The following CLEC16A variants were observed in gnomAD, a reference collection of about 807,000 sequenced individuals.
CLEC16A encodes the protein C-type lectin domain containing 16A.
In CLEC16A, 51 loss-of-function variants were observed where a neutral mutation model predicts 109.5. That is an observed-to-expected ratio of 0.47 (90% CI 0.37 to 0.59). CLEC16A has a LOEUF of 0.59. CLEC16A is among the 20% of genes least tolerant of loss of function. The pLI, the probability that CLEC16A is intolerant of heterozygous loss-of-function variation, is 0.00. For missense variants in CLEC16A, 1,339 were observed against 1,394.0 expected (o/e 0.96, Z 0.63); for synonymous variants, 673 against 564.2 (o/e 1.19, Z -2.73).
intron 22 of CLEC16A, 54 bp downstream of exon 22, chr16:11,126,200 A>G (rs750625531): frequency 6.2e-7 from 1 of 1,608,718 alleles, no homozygotes; most frequent in East Asian, 2.2e-5. Flanking sequence ...TGGGCGTTCA[A>G]GGTCTTTCTC....
At chr16:11,151,676 T>A (rs946258641) in intron 22 of CLEC16A, among the ~76,000 whole-genome samples, 1 of 152,198 alleles carries the variant, frequency 6.6e-6, no homozygotes, top group Non-Finnish European at 1.5e-5. Context: ...ATCAGTGCAA[T>A]TTCACTCACA....
chr16:11,067,068 G>A (rs1418820842), intron 19 of CLEC16A, among the ~76,000 whole-genome samples: 3 of 151,676 alleles, frequency 2.0e-5, no homozygotes, highest in Non-Finnish European at 2.9e-5. Context: ...ATTTCAGAAC[G>A]AGGGTAGTCT....
intron 19 of CLEC16A, among the ~76,000 whole-genome samples, chr16:11,109,632 G>A (rs1317240165): frequency 6.6e-6 from 1 of 152,172 alleles, no homozygotes; most frequent in Non-Finnish European, 1.5e-5. Flanking sequence ...ATAGAAACAA[G>A]TCAGGCTGGA....
chr16:11,064,129 C>A (rs961765376), intron 19 of CLEC16A, among the ~76,000 whole-genome samples: 2 of 152,180 alleles, frequency 1.3e-5, no homozygotes, highest in Non-Finnish European at 2.9e-5. Flanking sequence ...TCTGCCCTTT[C>A]ATCTGTCTAT....
rs925823698 is a variant in CLEC16A at position 11,180,121 on chromosome 16, G to C, written c.*1431G>C. The stretch of plus-strand genomic sequence containing the variant: ...AGGTATCCGCCGGAGCCTGGCCATA[G>C]GGTAGTCTCGGGAGCCGCGCTGAGA... On this transcript the variant is annotated 3_prime_UTR_variant, in exon 24 of 24. Transcript: ENST00000409790. 1.3e-5 allele frequency: 2 copies of C among 152,302 alleles called. No homozygotes were observed. The highest frequency in any genetic ancestry group is 2.1e-4 in the South Asian group (1 of 4,824). The allele number at this position is 152,302 out of a possible 1,614,324, so 9.4% of individuals were successfully genotyped here.
chr16:11,122,604 A>G (rs1412688191), intron 20 of CLEC16A, among the ~76,000 whole-genome samples: 1 of 152,196 alleles, frequency 6.6e-6, no homozygotes, highest in East Asian at 1.9e-4. Flanking sequence ...TGTTATCTCC[A>G]AAGAGCCTGT....
chr16:11,160,225 G>T (rs1384248044), intron 22 of CLEC16A, among the ~76,000 whole-genome samples: 2 of 152,122 alleles, frequency 1.3e-5, no homozygotes, highest in Non-Finnish European at 2.9e-5. Context: ...CAGAGGTCGG[G>T]GGGCGTCCCT....
chr16:10,967,557 C>T (rs190150627), intron 3 of CLEC16A, among the ~76,000 whole-genome samples: 70 of 152,150 alleles, frequency 4.6e-4, no homozygotes, highest in Admixed American at 8.5e-4. Flanking sequence ...TTTGAATCTC[C>T]GAATAATAGT....
In CLEC16A at chr16:11,120,719, G is replaced by A. The variant is rs770842825; in HGVS notation, c.2221G>A (p.Val741Met). 1.9e-6 allele frequency: 3 copies of A among 1,603,264 alleles called. No individual in the cohort carries two copies. Among genetic ancestry groups the A allele is most frequent in the African/African-American group, 2.7e-5 (2 of 74,754 alleles). Reference protein sequence around the residue: ...IYQMSLVEPDVSRLGWGVVKF... With the variant: ...IYQMSLVEPDMSRLGWGVVKF... Reference sequence around the variant, plus strand: ...CCAGATGAGTTTGGTGGAGCCTGATGTGTCCAGGCTTGGCTGGGGAGTGGT... The same window carrying A: ...CCAGATGAGTTTGGTGGAGCCTGATATGTCCAGGCTTGGCTGGGGAGTGGT... Residue 741 changes from valine (V) to methionine (M), a missense_variant, in exon 20 of 24, where the codon GTG (valine) becomes ATG (methionine). This residue lies in a region of CLEC16A where 1,061 missense variants were observed against 1,006.8 expected (regional missense o/e 1.05). Transcript: ENST00000409790.
chr16:11,093,346 T>C (rs933119427), intron 19 of CLEC16A, among the ~76,000 whole-genome samples: 1 of 152,158 alleles, frequency 6.6e-6, no homozygotes, highest in Non-Finnish European at 1.5e-5. Flanking sequence ...GTGGCCATAC[T>C]CGTCCCAGTG....
chr16:11,083,643 C>T (rs1225110790), intron 19 of CLEC16A, among the ~76,000 whole-genome samples: 3 of 152,232 alleles, frequency 2.0e-5, no homozygotes, highest in Non-Finnish European at 2.9e-5. Context: ...CTTCCTAAGC[C>T]CATGTAATAA....
chr16:10,967,291 T>G (rs951751001), intron 3 of CLEC16A, among the ~76,000 whole-genome samples: 57 of 152,302 alleles, frequency 3.7e-4, no homozygotes, highest in African/African-American at 1.2e-3. Context: ...TGAGTTTGAC[T>G]TTGATCGACC....
At chr16:11,173,514 C>G (rs1477190801) in intron 23 of CLEC16A, among the ~76,000 whole-genome samples, 3 of 152,174 alleles carry the variant, frequency 2.0e-5, no homozygotes, top group Non-Finnish European at 4.4e-5. Context: ...GCACGGGTCA[C>G]CAAGTCGCTG....
At chr16:10,949,828 C>T (rs141319379) in intron 1 of CLEC16A, among the ~76,000 whole-genome samples, 11 of 152,278 alleles carry the variant, frequency 7.2e-5, no homozygotes, top group Admixed American at 3.9e-4. Flanking sequence ...TGGTGAGTTA[C>T]GGTAGCAGCT....
chr16:10,995,054 G>C (rs926698931), intron 10 of CLEC16A, among the ~76,000 whole-genome samples: 2 of 152,216 alleles, frequency 1.3e-5, no homozygotes, highest in Non-Finnish European at 2.9e-5. Context: ...GTAGTTCCTT[G>C]CCCCATTTGG....
In CLEC16A at chr16:11,178,773, C is replaced by G; in HGVS notation, c.*83C>G. ...GCTGACTGGCAAGACACACTGGGAG[C>G]ACCCACCATTCTGTGCGGCCCCCAG... On this transcript the variant is annotated 3_prime_UTR_variant, in exon 24 of 24. Transcript: ENST00000409790. The surrounding 1 kb of genome is among the most constrained non-coding windows in gnomAD (Gnocchi z 6.5). 1 of 1,103,168 alleles carries G rather than the reference C, an allele frequency of 9.1e-7. No individual in the cohort carries two copies. Among genetic ancestry groups the G allele is most frequent in the South Asian group, 1.6e-5 (1 of 60,706 alleles). 68.3% of individuals were successfully genotyped at this position (1,103,168 alleles called of 1,614,324 possible).
chr16:11,073,632 T>C (rs1235000608), intron 19 of CLEC16A, among the ~76,000 whole-genome samples: 8 of 152,308 alleles, frequency 5.3e-5, no homozygotes, highest in Non-Finnish European at 1.0e-4. Context: ...GCCCACACAG[T>C]GCCCAGGCTG....
Position 11,024,778 on chromosome 16 carries a change from C to T in CLEC16A, c.1437-43C>T, listed in dbSNP as rs115960904. 9.5e-4 allele frequency: 1,404 copies of T among 1,475,838 alleles called. 11 individuals carry two copies. In the African/African-American group the frequency reaches 0.018, roughly 19 times the overall value. 91.4% of individuals were successfully genotyped at this position (1,475,838 alleles called of 1,614,324 possible). ...AGGTTAGAGAGGGGAGGTGTTCACC[C>T]TTGTGCACCGTGAGGCTCATACATG... On this transcript the variant is annotated intron_variant, in intron 12 of 23. Coordinates refer to ENST00000409790, the MANE Select transcript of CLEC16A (RefSeq NM_015226.3).
intron 2 of CLEC16A, among the ~76,000 whole-genome samples, chr16:10,959,004 A>G (rs1454852069): frequency 6.9e-6 from 1 of 145,852 alleles, no homozygotes; most frequent in African/African-American, 2.6e-5. Context: ...TATGACAACC[A>G]CTAAACACGG....
Sources: gnomAD v4.1 joint callset for allele counts (sites outside exome capture counted in the v4.1 genomes callset) on GRCh38, gnomAD v4.1.1 for gene constraint, gnomAD v4.1.1 regional missense constraint, Gnocchi (gnomAD v3.1) non-coding constraint, MANE v1.5 for transcripts, NCBI Gene and HGNC (gene_info 2026-07-23, HGNC 2026-07-21) for gene names.